Variants in RGS6 observed in about 807,000 individuals in gnomAD.
RGS6 encodes regulator of G protein signaling 6.
RGS6 carries 30 observed loss-of-function variants against 78.5 expected under a neutral mutation model. That is an observed-to-expected ratio of 0.38 (90% CI 0.29 to 0.52). The LOEUF (loss-of-function observed/expected upper bound fraction) is 0.52. RGS6 is among the 20% of genes least tolerant of loss of function. The probability of loss-of-function intolerance (pLI) is 0.85; values close to 1 mark genes in which losing one functional copy is unlikely to be tolerated. For missense variants in RGS6, 495 were observed against 609.7 expected, an observed-to-expected ratio of 0.81 and a Z score of 1.98; for synonymous variants, 206 against 206.0, an observed-to-expected ratio of 1.00 and a Z score of 0.00.
intron 3 of RGS6, among the ~76,000 whole-genome samples, chr14:72,429,804 C>A (rs2094556436): frequency 6.6e-6 from 1 of 152,156 alleles, no homozygotes; most frequent in African/African-American, 2.4e-5. Flanking sequence ...TCCCTGTAAT[C>A]CCGTTGTGAC....
chr14:72,111,638 T>G (rs2095764681), intron 2 of RGS6, among the ~76,000 whole-genome samples: 1 of 152,176 alleles, frequency 6.6e-6, no homozygotes, highest in Non-Finnish European at 1.5e-5. Context: ...GATCTGTTAG[T>G]CACTCCACTC....
chr14:72,512,024 G>A (rs1266949320), intron 14 of RGS6, among the ~76,000 whole-genome samples: 1 of 152,118 alleles, frequency 6.6e-6, no homozygotes, highest in African/African-American at 2.4e-5. Context: ...ATGGACCCAG[G>A]TGGCCTCTCT....
chr14:72,256,959 C>T (rs1394922545), intron 2 of RGS6, among the ~76,000 whole-genome samples: 1 of 152,072 alleles, frequency 6.6e-6, no homozygotes, highest in African/African-American at 2.4e-5. Flanking sequence ...GTATGTGCAC[C>T]CCAAAAACAT....
At chr14:72,458,426 A>C in intron 5 of RGS6, 49 bp downstream of exon 5, 1 of 1,356,376 alleles carries the variant, frequency 7.4e-7, no homozygotes, top group Non-Finnish European at 1.1e-6. Flanking sequence ...TCACAACATC[A>C]TCTGATCTTA....
chr14:72,450,256 AT>A (rs2095460163), intron 3 of RGS6, among the ~76,000 whole-genome samples: 1 of 152,110 alleles, frequency 6.6e-6, no homozygotes, highest in African/African-American at 2.4e-5. Context: ...TTTAATAAAT[AT>A]TTATTGCATG....
intron 12 of RGS6, among the ~76,000 whole-genome samples, chr14:72,485,043 A>G (rs548976542): frequency 1.4e-4 from 22 of 151,920 alleles, no homozygotes; most frequent in Admixed American, 1.4e-3. Flanking sequence ...GCCCACGACA[A>G]TGGTGGGTAG....
the RGS6 span, among the ~76,000 whole-genome samples, chr14:72,585,055 C>CAA: frequency 1.2e-4 from 18 of 148,444 alleles, no homozygotes; most frequent in East Asian, 4.2e-4. Flanking sequence ...TCTTCATTTC[C>CAA]AAAAAAAAAT....
At chr14:72,455,738 A>G (rs956485729) in intron 4 of RGS6, among the ~76,000 whole-genome samples, 2 of 152,186 alleles carry the variant, frequency 1.3e-5, no homozygotes, top group Admixed American at 6.5e-5. Context: ...GCAACTCACT[A>G]TGTGTTGTCC....
At chr14:72,301,625 T>A (rs2066081281) in intron 2 of RGS6, among the ~76,000 whole-genome samples, 2 of 152,140 alleles carry the variant, frequency 1.3e-5, no homozygotes, top group Non-Finnish European at 2.9e-5. Flanking sequence ...GCAATCTCAG[T>A]TCTGGAGGCC....
chr14:72,371,144 C>A (rs2083432088), intron 3 of RGS6, among the ~76,000 whole-genome samples: 1 of 152,142 alleles, frequency 6.6e-6, no homozygotes, highest in African/African-American at 2.4e-5. Context: ...AATGTAACTT[C>A]ACTGTAACAT....
chr14:72,125,028 T>A (rs143562231), intron 2 of RGS6, among the ~76,000 whole-genome samples: 1 of 152,320 alleles, frequency 6.6e-6, no homozygotes, highest in East Asian at 1.9e-4. Flanking sequence ...AGGTTCTCTT[T>A]CACTAGTTAA....
the RGS6 span, among the ~76,000 whole-genome samples, chr14:71,872,425 T>G: frequency 6.6e-6 from 1 of 152,146 alleles, no homozygotes; most frequent in Non-Finnish European, 1.5e-5. Context: ...GTGCTGTCTT[T>G]TCTGCCCTTG....
chr14:72,128,607 T>G (rs1312581608), intron 2 of RGS6, among the ~76,000 whole-genome samples: 1 of 152,212 alleles, frequency 6.6e-6, no homozygotes, highest in Non-Finnish European at 1.5e-5. Context: ...TATACCCTTA[T>G]GCCCTTGGTG....
chr14:72,472,556 T>G (rs1443657614), intron 8 of RGS6, among the ~76,000 whole-genome samples: 2 of 152,256 alleles, frequency 1.3e-5, no homozygotes, highest in Non-Finnish European at 2.9e-5. Context: ...CAGTTTTTAA[T>G]AATCCAAATC....
At chr14:72,418,672 T>A (rs1209320873) in intron 3 of RGS6, among the ~76,000 whole-genome samples, 2 of 152,234 alleles carry the variant, frequency 1.3e-5, no homozygotes, top group Non-Finnish European at 2.9e-5. Flanking sequence ...ACTCCTTGCA[T>A]GGAAGGTGCC....
chr14:72,616,570 G>A, the RGS6 span, among the ~76,000 whole-genome samples: 8 of 152,272 alleles, frequency 5.3e-5, no homozygotes, highest in African/African-American at 1.7e-4. Flanking sequence ...TGCAGTGCTT[G>A]TTTATGTAAC....
the RGS6 span, among the ~76,000 whole-genome samples, chr14:71,907,941 T>G: frequency 6.6e-6 from 1 of 152,132 alleles, no homozygotes; most frequent in African/African-American, 2.4e-5. Context: ...TCTGAACAAA[T>G]AGCACGGGTA....
At chr14:72,403,977 A>G (rs930549799) in intron 3 of RGS6, among the ~76,000 whole-genome samples, 1 of 152,218 alleles carries the variant, frequency 6.6e-6, no homozygotes, top group African/African-American at 2.4e-5. Flanking sequence ...TCTTGATTTC[A>G]GGAAGCTATT....
intron 2 of RGS6, among the ~76,000 whole-genome samples, chr14:72,238,106 T>C (rs1409431182): frequency 6.6e-6 from 1 of 152,136 alleles, no homozygotes; most frequent in Non-Finnish European, 1.5e-5. Flanking sequence ...AAGAAGGTGC[T>C]CTATCTCTGA....
Sources: allele counts gnomAD v4.1 joint callset (sites outside exome capture counted in the v4.1 genomes callset), GRCh38; gene constraint gnomAD v4.1.1; transcripts MANE v1.5; gene names NCBI Gene and HGNC (gene_info 2026-07-23, HGNC 2026-07-21).